Variants in PEX2 observed in about 807,000 individuals in gnomAD.
The protein encoded by PEX2 is peroxisomal biogenesis factor 2.
PEX2 carries 19 observed loss-of-function variants against 25.2 expected under a neutral mutation model. The ratio of observed to expected loss-of-function variants is 0.75; its 90% CI spans 0.53 to 1.10. The LOEUF is 1.10. Ranked by LOEUF, PEX2 falls within the 50% of genes least tolerant of loss-of-function variation. PEX2 has a pLI of 0.00. For synonymous variants in PEX2, 141 were observed against 127.7 expected (o/e 1.10, Z -0.70); for missense variants, 347 against 350.6 (o/e 0.99, Z 0.08).
Position 76,981,239 on chromosome 8 carries a change from G to C in PEX2, c.*2022C>G, listed in dbSNP as rs1432960141. ...TAATCCCACAACTTTGGGAGGCCAGGGTAGGAGGACTGCTTGAGCCCAGAA... is the reference window on the plus strand; with the variant it reads ...TAATCCCACAACTTTGGGAGGCCAGCGTAGGAGGACTGCTTGAGCCCAGAA... On this transcript the variant is annotated 3_prime_UTR_variant, in exon 4 of 4. Transcript: ENST00000357039. 6.6e-6 allele frequency: 1 copy of C among 152,318 alleles called. No homozygotes were observed. The highest frequency in any genetic ancestry group is 6.5e-5 in the Admixed American group (1 of 15,282). The allele number at this position is 152,318 out of a possible 1,614,324, so 9.4% of individuals were successfully genotyped here.
chr8:77,000,188 T>G (rs10081480), upstream of PEX2: 294,909 of 304,554 alleles, frequency 0.97, 142,917 homozygotes, highest in East Asian at 0.99. Flanking sequence ...GCGGCGCTGC[T>G]GAAGGCACTG....
chr8:76,983,209 T>TA lies in PEX2; in HGVS notation c.*51dup. On this transcript the variant is annotated 3_prime_UTR_variant, in exon 4 of 4. Coordinates refer to ENST00000357039, the MANE Select transcript of PEX2 (RefSeq NM_000318.3). ...ATGGTATACTTAGGATGACTAATATTAAGAATTTAAACACGGTGCATTTTT... is the reference window on the plus strand; with the variant it reads ...ATGGTATACTTAGGATGACTAATATTAAAGAATTTAAACACGGTGCATTTTT... 6.2e-7 allele frequency: 1 copy of TA among 1,602,142 alleles called. No individual in the cohort carries two copies. The highest frequency in any genetic ancestry group is 8.5e-7 in the Non-Finnish European group (1 of 1,179,680).
rs1251152088 is a variant in PEX2, at chr8:76,983,141, G to A, written c.*120C>T. On this transcript the variant is annotated 3_prime_UTR_variant, in exon 4 of 4. Coordinates refer to ENST00000357039, the MANE Select transcript of PEX2 (RefSeq NM_000318.3). ...AGATTTCAGTCATGCCTGGAAAGGA[G>A]AAGACAGTGGCTAGGAGCACATTCC... 8 of 1,574,256 alleles carry A rather than the reference G, an allele frequency of 5.1e-6. No homozygotes were observed. In the East Asian group the frequency reaches 1.8e-4, roughly 35 times the overall value.
intron 1 of PEX2, among the ~76,000 whole-genome samples, chr8:76,991,862 A>C (rs1425967608): frequency 6.6e-6 from 1 of 152,232 alleles, no homozygotes; most frequent in East Asian, 1.9e-4. Context: ...TTTAGAAGCC[A>C]TAAAGCAGTA....
intron 1 of PEX2, 44 bp downstream of exon 1, chr8:76,999,946 A>C (rs1402644151): frequency 4.4e-6 from 2 of 456,642 alleles, no homozygotes; most frequent in Non-Finnish European, 8.8e-6. Flanking sequence ...AGCTGAAAAC[A>C]AGACCTCGGG....
intron 1 of PEX2, among the ~76,000 whole-genome samples, chr8:76,991,575 A>C (rs1807169934): frequency 6.6e-6 from 1 of 152,158 alleles, no homozygotes; most frequent in Non-Finnish European, 1.5e-5. Flanking sequence ...GACTTCTTTT[A>C]GTTGTAAACA....
intron 1 of PEX2, among the ~76,000 whole-genome samples, chr8:76,998,240 T>C (rs1165864323): frequency 6.6e-6 from 1 of 152,212 alleles, no homozygotes; most frequent in Non-Finnish European, 1.5e-5. Flanking sequence ...GGGCTAGGAC[T>C]GAGCTCTTTT....
Position 76,983,476 on chromosome 8 carries a change from T to A in PEX2, c.703A>T (p.Asn235Tyr). 1 of 1,614,174 alleles carries A rather than the reference T, an allele frequency of 6.2e-7. No homozygotes were observed. Among genetic ancestry groups the A allele is most frequent in the South Asian group, 1.1e-5 (1 of 91,078 alleles). ...TCTTTGCCACTGGTGGCTAATGTAT[T>A]GTCACTATTAGGTGCACCAGTAAGA... ...IPLTGAPNSD[N>Y]TLATSGKECA... is the part of the protein sequence containing the mutation. Residue 235 changes from asparagine to tyrosine, a missense_variant, in exon 4 of 4, where the codon AAT (asparagine) becomes TAT (tyrosine). Asn to Tyr is a moderately radical substitution (Grantham distance 143, BLOSUM62 -2). Transcript: ENST00000357039.
At chr8:77,000,426 C>T (rs928927139), upstream of PEX2, among the ~76,000 whole-genome samples, 14 of 151,898 alleles carry the variant, frequency 9.2e-5, no homozygotes, top group Admixed American at 7.9e-4. Flanking sequence ...GCTTTCTCTG[C>T]TTGCGGACAT....
rs1806783519 is a variant in PEX2 at position 76,980,470 on chromosome 8, T to C, written c.*2791A>G. 1 of 152,186 alleles carries C rather than the reference T, an allele frequency of 6.6e-6. No individual in the cohort carries two copies. Among genetic ancestry groups the C allele is most frequent in the Non-Finnish European group, 1.5e-5 (1 of 68,038 alleles). The allele number at this position is 152,186 out of a possible 1,614,324, so 9.4% of individuals were successfully genotyped here. A position where few individuals can be genotyped will look rare whatever the true frequency, so the allele number is the denominator to read the frequency against. On this transcript the variant is annotated 3_prime_UTR_variant, in exon 4 of 4. Transcript: ENST00000357039. ...CTAAGAACACCTCAGTTTCCTGTGGTGAACGGCCTCCTCCAGGACTCCTTT... is the reference window on the plus strand; with the variant it reads ...CTAAGAACACCTCAGTTTCCTGTGGCGAACGGCCTCCTCCAGGACTCCTTT...
chr8:76,983,359 A>G lies in PEX2; in HGVS notation c.820T>C (p.Phe274Leu), dbSNP rs1806894030. The G allele has an allele frequency of 1.9e-6, 3 of 1,614,116 alleles. No homozygotes were observed. Among genetic ancestry groups the G allele is most frequent in the African/African-American group, 1.3e-5 (1 of 75,060 alleles). The change falls in exon 4 of 4, where the codon TTT (phenylalanine) becomes CTT (leucine). Residue 274 changes from phenylalanine to leucine, a missense_variant. By Grantham distance (22) the Phe-to-Leu change is conservative. Coordinates refer to ENST00000357039, the MANE Select transcript of PEX2 (RefSeq NM_000318.3). ...CYFCAKSSFL[F>L]DVYFTCPKCG... Reference sequence around the variant, plus strand: ...TTAGGACAAGTAAAGTACACGTCAAATAAGAAACTACTCTTAGCACAGAAA... The same window carrying G: ...TTAGGACAAGTAAAGTACACGTCAAGTAAGAAACTACTCTTAGCACAGAAA...
rs562130265 is a variant in PEX2 at position 76,992,448 on chromosome 8, T to C, written c.-159-4110A>G. On this transcript the variant is annotated intron_variant, in intron 1 of 3. Transcript: ENST00000357039. Reference sequence around the variant, plus strand: ...CACATACTCCCACCCCACTCCTCTCTTTCTGGCAGGTACAGCTATTCTAGA... The same window carrying C: ...CACATACTCCCACCCCACTCCTCTCCTTCTGGCAGGTACAGCTATTCTAGA... 2.0e-5 allele frequency among the ~76,000 whole-genome samples: 3 copies of C among 152,288 alleles called. No homozygotes were observed. The South Asian group carries it at 6.2e-4, about 32-fold the overall frequency.
Position 76,984,063 on chromosome 8 carries a change from T to G in PEX2, c.116A>C (p.Gln39Pro), listed in dbSNP as rs1427212561. ...LEQLVWSQFT[Q>P]CFHGFKPGLL... ...CCCAGGTTTAAATCCATGAAAGCACTGAGTAAACTGGGACCAAACTAGCTG... is the reference window on the plus strand; with the variant it reads ...CCCAGGTTTAAATCCATGAAAGCACGGAGTAAACTGGGACCAAACTAGCTG... Residue 39 changes from glutamine to proline, a missense_variant, in exon 4 of 4, where the codon CAG becomes CCG. Coordinates refer to ENST00000357039, the MANE Select transcript of PEX2 (RefSeq NM_000318.3). 1 of 1,612,202 alleles carries G rather than the reference T, an allele frequency of 6.2e-7. No homozygotes were observed. The highest frequency in any genetic ancestry group is 8.5e-7 in the Non-Finnish European group (1 of 1,179,068).
upstream of PEX2, chr8:77,000,252 G>A (rs1807467703): frequency 3.3e-6 from 1 of 305,286 alleles, no homozygotes; most frequent in Admixed American, 5.1e-5. Context: ...GGGCCGAAAA[G>A]CCGAAGCGGA....
chr8:76,999,090 G>A (rs1338793613), intron 1 of PEX2, among the ~76,000 whole-genome samples: 1 of 151,772 alleles, frequency 6.6e-6, no homozygotes, highest in Non-Finnish European at 1.5e-5. Context: ...ATATAGGTGA[G>A]ATCAGATAAG....
At chr8:76,998,372 A>T (rs1807397544) in intron 1 of PEX2, among the ~76,000 whole-genome samples, 1 of 152,206 alleles carries the variant, frequency 6.6e-6, no homozygotes, top group South Asian at 2.1e-4. Context: ...TATAAGCAAA[A>T]CTTTTATGGC....
At chr8:76,994,569 G>C (rs1362766304) in intron 1 of PEX2, among the ~76,000 whole-genome samples, 1 of 151,974 alleles carries the variant, frequency 6.6e-6, no homozygotes, top group Non-Finnish European at 1.5e-5. Flanking sequence ...TTACCATTAG[G>C]CATATTTGTC....
chr8:76,989,672 G>A (rs921979745), intron 1 of PEX2, among the ~76,000 whole-genome samples: 1 of 152,192 alleles, frequency 6.6e-6, no homozygotes, highest in Non-Finnish European at 1.5e-5. Context: ...ATATCAATGA[G>A]CAGTAATATT....
In PEX2 at chr8:76,983,806, G is replaced by T. The variant is rs61752124; in HGVS notation, c.373C>A (p.Arg125=). The T allele has an allele frequency of 1.2e-6, 2 of 1,614,022 alleles. No individual in the cohort carries two copies. The highest frequency in any genetic ancestry group is 1.1e-5 in the South Asian group (1 of 91,072). ...CCAAATGATGCTAAATGATGGTTTC[G>T]AAACAAATCATAGCATCGTTCTTCT... ...WLEERCYDLF[R]NHHLASFGKV... Residue 125 remains arginine, a synonymous_variant, in exon 4 of 4, where the codon CGA becomes AGA. Coordinates refer to ENST00000357039, the MANE Select transcript of PEX2 (RefSeq NM_000318.3).
Sources: allele counts gnomAD v4.1 joint callset (sites outside exome capture counted in the v4.1 genomes callset), GRCh38; gene constraint gnomAD v4.1.1; transcripts MANE v1.5; gene names NCBI Gene and HGNC (gene_info 2026-07-23, HGNC 2026-07-21).